ATP13A4: variants seen among roughly 807,000 people sequenced by gnomAD.
ATP13A4 encodes the protein ATPase 13A4.
Under a neutral mutation model 142.5 loss-of-function variants are expected in ATP13A4, and 114 were observed. The observed-to-expected ratio is 0.80, with a 90% CI of 0.69 to 0.93. ATP13A4 has a LOEUF of 0.93. ATP13A4 is among the 40% of genes least tolerant of loss of function. ATP13A4 has a pLI of 0.00. For synonymous variants in ATP13A4, 488 were observed against 514.8 expected, an observed-to-expected ratio of 0.95 and a Z score of 0.70; for missense variants, 1,392 against 1,454.0, an observed-to-expected ratio of 0.96 and a Z score of 0.69.
chr3:193,539,865 T>C (rs1185780990), intron 1 of ATP13A4, among the ~76,000 whole-genome samples: 3 of 152,204 alleles, frequency 2.0e-5, no homozygotes, highest in African/African-American at 2.4e-5. Flanking sequence ...TCTTTTGCTA[T>C]TTTCAGTTGG....
chr3:193,520,403 G>A lies in ATP13A4; in HGVS notation c.61-5532C>T, dbSNP rs377614640. Among the ~76,000 whole-genome samples the A allele has an allele frequency of 1.6e-4, 24 of 152,304 alleles. 1 individual carries two copies. In the South Asian group the frequency reaches 5.0e-3, roughly 32 times the overall value. On this transcript the variant is annotated intron_variant, in intron 1 of 29. Coordinates refer to ENST00000342695, the MANE Select transcript of ATP13A4 (RefSeq NM_032279.4). ...AAATGTTAAACTAGTCACATCATTT[G>A]CATTACATCAAGTTAATCTCTAAGT...
intron 13 of ATP13A4, among the ~76,000 whole-genome samples, chr3:193,460,226 C>T (rs913075250): frequency 1.3e-5 from 2 of 152,228 alleles, no homozygotes; most frequent in African/African-American, 4.8e-5. Flanking sequence ...CTAATAACAG[C>T]TTGATCAGGC....
chr3:193,554,304 T>A (rs1295291972), intron 1 of ATP13A4: 1 of 241,054 alleles, frequency 4.1e-6, no homozygotes, highest in African/African-American at 2.3e-5. Context: ...GAAGAGAAGG[T>A]CAAAGACCCA....
chr3:193,520,654 T>C (rs1721664571), intron 1 of ATP13A4, among the ~76,000 whole-genome samples: 1 of 152,204 alleles, frequency 6.6e-6, no homozygotes, highest in Admixed American at 6.5e-5. Flanking sequence ...TTAGTGTGAA[T>C]TGTGCTGAAG....
chr3:193,432,380 A>G (rs909751604), intron 25 of ATP13A4, among the ~76,000 whole-genome samples: 6 of 152,238 alleles, frequency 3.9e-5, no homozygotes, highest in Admixed American at 3.9e-4. Context: ...ACTTATTCTT[A>G]CTACATAATC....
intron 16 of ATP13A4, among the ~76,000 whole-genome samples, chr3:193,454,458 C>CT (rs893308581): frequency 2.0e-5 from 3 of 152,148 alleles, no homozygotes; most frequent in Admixed American, 2.0e-4. Flanking sequence ...GTGTAAAATT[C>CT]TTTTTTCTTC....
Position 193,433,887 on chromosome 3 carries a change from G to C in ATP13A4, c.2800C>G (p.Leu934Val). Reference sequence around the variant, plus strand: ...GTTGTAATGGCCAGATCCTGGAACAGAAACTGGTAATTTGAAAGGCTGTTT... The same window carrying C: ...GTTGTAATGGCCAGATCCTGGAACACAAACTGGTAATTTGAAAGGCTGTTT... Reference protein sequence around the residue: ...ETNSLSNYQFLFQDLAITTLI... With the variant: ...ETNSLSNYQFVFQDLAITTLI... The change falls in exon 25 of 30, where the codon CTG becomes GTG. Residue 934 changes from leucine to valine, a missense_variant. Physicochemically the swap from Leu to Val is conservative, Grantham distance 32 (BLOSUM62 1). Coordinates refer to ENST00000342695, the MANE Select transcript of ATP13A4 (RefSeq NM_032279.4). The C allele has an allele frequency of 1.2e-6, 2 of 1,613,920 alleles. No individual in the cohort carries two copies. The highest frequency in any genetic ancestry group is 1.7e-5 in the Admixed American group (1 of 60,030).
At chr3:193,519,265 T>C (rs1721586421) in intron 1 of ATP13A4, among the ~76,000 whole-genome samples, 1 of 152,158 alleles carries the variant, frequency 6.6e-6, no homozygotes, top group African/African-American at 2.4e-5. Context: ...ACCAACAAAG[T>C]AGGTAATGGT....
At position 193,454,146 on chromosome 3, in the gene ATP13A4, G is replaced by C. The variant is rs766545894; in HGVS notation, c.1982C>G (p.Ala661Gly). ...TTQGFRVIAL[A>G]YKKLENDHHA... is the part of the protein sequence containing the mutation. ...ATGGTCATTTTCCAGCTTCTTGTAGGCCAGTGCTATGACTCGGAAGCCCTG... is the reference window on the plus strand; with the variant it reads ...ATGGTCATTTTCCAGCTTCTTGTAGCCCAGTGCTATGACTCGGAAGCCCTG... The change falls in exon 17 of 30, where the codon GCC (alanine) becomes GGC (glycine). Residue 661 changes from alanine to glycine, a missense_variant. Ala to Gly is a moderately conservative substitution (Grantham distance 60). Transcript: ENST00000342695. 14 of 1,614,066 alleles carry C rather than the reference G, an allele frequency of 8.7e-6. No individual in the cohort carries two copies. In the East Asian group the frequency reaches 3.1e-4, roughly 36 times the overall value.
chr3:193,535,657 A>T (rs1327891088), intron 1 of ATP13A4, among the ~76,000 whole-genome samples: 1 of 152,138 alleles, frequency 6.6e-6, no homozygotes, highest in Admixed American at 6.6e-5. Flanking sequence ...GCCCAAGGTG[A>T]GCAGAACAAA....
At chr3:193,554,501 A>T in intron 1 of ATP13A4, 1 of 591,290 alleles carries the variant, frequency 1.7e-6, no homozygotes, top group Non-Finnish European at 3.0e-6. Context: ...AAAAGAAAAC[A>T]TTCTTGACAA....
At chr3:193,525,301 G>A (rs1255055703) in intron 1 of ATP13A4, among the ~76,000 whole-genome samples, 1 of 152,162 alleles carries the variant, frequency 6.6e-6, no homozygotes, top group Non-Finnish European at 1.5e-5. Context: ...GAAATCTTAA[G>A]ATAATTCTCA....
At chr3:193,582,632 TACATTATATATGTATATTACATAC>T (rs1560290854) in intron 1 of ATP13A4, among the ~76,000 whole-genome samples, 33 of 40,630 alleles carry the variant, frequency 8.1e-4, no homozygotes, top group African/African-American at 2.4e-3. Flanking sequence ...GTATATTACA[TACATTATATATGTATATTACATAC>T]ATTATATATG....
At chr3:193,558,997 T>A (rs776386493), upstream of ATP13A4, among the ~76,000 whole-genome samples, 6 of 152,360 alleles carry the variant, frequency 3.9e-5, no homozygotes, top group Non-Finnish European at 7.3e-5. Context: ...CCTCTGTGAT[T>A]GTCTAGAATA....
intron 17 of ATP13A4, among the ~76,000 whole-genome samples, chr3:193,448,611 C>T (rs1379736133): frequency 6.6e-6 from 1 of 152,226 alleles, no homozygotes; most frequent in Non-Finnish European, 1.5e-5. Context: ...GCTGGAATTA[C>T]AGGCGTGAGC....
rs757138261 is a variant in ATP13A4, at chr3:193,400,171, C to G, written c.*2481G>C. On this transcript the variant is annotated 3_prime_UTR_variant, in exon 30 of 30. Coordinates refer to ENST00000342695, the MANE Select transcript of ATP13A4 (RefSeq NM_032279.4). The stretch of plus-strand genomic sequence containing the variant: ...TTCTCAGGAAAACCCTTCACAGTCC[C>G]CTGACTGTTTTCTTTCCAGGCTGGG... Among the ~76,000 whole-genome samples, 33 of 152,206 alleles carry G rather than the reference C, an allele frequency of 2.2e-4. No homozygotes were observed. Among genetic ancestry groups the G allele is most frequent in the Non-Finnish European group, 3.5e-4 (24 of 68,026 alleles).
chr3:193,580,600 A>G (rs1724518862), intron 2 of ATP13A4, among the ~76,000 whole-genome samples: 1 of 152,092 alleles, frequency 6.6e-6, no homozygotes, highest in Non-Finnish European at 1.5e-5. Flanking sequence ...ATATTTTTTT[A>G]TTGTACAGGC....
chr3:193,535,199 T>C (rs997267603), intron 1 of ATP13A4, among the ~76,000 whole-genome samples: 2 of 152,208 alleles, frequency 1.3e-5, no homozygotes, highest in African/African-American at 4.8e-5. Context: ...CTGATATTTA[T>C]TGAAGAATCT....
At chr3:193,405,975 T>G (rs1329166402) in intron 29 of ATP13A4, among the ~76,000 whole-genome samples, 1 of 152,144 alleles carries the variant, frequency 6.6e-6, no homozygotes, top group African/African-American at 2.4e-5. Flanking sequence ...CCCGTGATAA[T>G]GCTCTTTTAT....
Sources: allele counts gnomAD v4.1 joint callset (sites outside exome capture counted in the v4.1 genomes callset), GRCh38; gene constraint gnomAD v4.1.1; transcripts MANE v1.5; gene names NCBI Gene and HGNC (gene_info 2026-07-23, HGNC 2026-07-21).